UBXN7: variants seen among roughly 807,000 people sequenced by gnomAD.
The protein encoded by UBXN7 is UBX domain-containing protein 7.
A neutral mutation model predicts 58.0 loss-of-function variants in UBXN7; 9 were observed. That is an observed-to-expected ratio of 0.16 (90% CI 0.09 to 0.27). The LOEUF is 0.27. UBXN7 is among the 10% of genes least tolerant of loss of function. UBXN7 has a pLI of 1.00. For synonymous variants in UBXN7, 208 were observed against 205.0 expected (o/e 1.01, Z -0.12); for missense variants, 328 against 599.6 (o/e 0.55, Z 4.73).
intron 1 of UBXN7, among the ~76,000 whole-genome samples, chr3:196,412,097 C>A (rs2108619024): frequency 6.6e-6 from 1 of 151,104 alleles, no homozygotes; most frequent in South Asian, 2.1e-4. Context: ...GGCGTGGTGG[C>A]AGGTGCCTAA....
intron 6 of UBXN7, among the ~76,000 whole-genome samples, chr3:196,370,528 C>A (rs903308048): frequency 6.6e-6 from 1 of 150,988 alleles, no homozygotes; most frequent in Non-Finnish European, 1.5e-5. Flanking sequence ...GAGTCCAGCA[C>A]AGTGCTAAGC....
chr3:196,395,272 C>T (rs1180146718), intron 3 of UBXN7, among the ~76,000 whole-genome samples: 3 of 151,958 alleles, frequency 2.0e-5, no homozygotes, highest in African/African-American at 4.8e-5. Context: ...CCAGAACTAC[C>T]GAGTAAAAGG....
intron 2 of UBXN7, 120 bp downstream of exon 2, chr3:196,407,126 T>C (rs1237933734): frequency 1.4e-6 from 2 of 1,392,896 alleles, no homozygotes; most frequent in East Asian, 4.7e-5. Flanking sequence ...TTCATACTTT[T>C]TCAGAGGCTT....
Position 196,391,782 on chromosome 3 carries a change from T to C in UBXN7, c.468+31A>G, listed in dbSNP as rs751936165. The C allele has an allele frequency of 1.1e-5, 16 of 1,507,840 alleles. No individual in the cohort carries two copies. In the South Asian group the frequency reaches 1.4e-4, roughly 13 times the overall value. The allele number at this position is 1,507,840 out of a possible 1,614,324, so 93.4% of individuals were successfully genotyped here. Reference sequence around the variant, plus strand: ...GGCATTGAAAATGCAAAAGGATTCATAGTTAAGGCACTGACTCTCCAACAA... The same window carrying C: ...GGCATTGAAAATGCAAAAGGATTCACAGTTAAGGCACTGACTCTCCAACAA... On this transcript the variant is annotated intron_variant, in intron 5 of 10. Transcript: ENST00000296328.
chr3:196,380,222 CA>C (rs1729159267), intron 5 of UBXN7, among the ~76,000 whole-genome samples: 1 of 148,150 alleles, frequency 6.7e-6, no homozygotes, highest in South Asian at 2.1e-4. Context: ...TGCAGTCCAG[CA>C]GTCCAGCCTG....
At chr3:196,404,142 T>C (rs1577466047) in intron 2 of UBXN7, among the ~76,000 whole-genome samples, 1 of 152,104 alleles carries the variant, frequency 6.6e-6, no homozygotes, top group East Asian at 1.9e-4. Context: ...AACTCAACTA[T>C]TGAACTTTGC....
At chr3:196,380,333 T>G (rs956795750) in intron 5 of UBXN7, among the ~76,000 whole-genome samples, 3 of 151,716 alleles carry the variant, frequency 2.0e-5, no homozygotes, top group Non-Finnish European at 2.9e-5. Context: ...TGCTGTTTAG[T>G]AAGCAAACAT....
chr3:196,358,801 C>T (rs1728423483), intron 10 of UBXN7, among the ~76,000 whole-genome samples: 1 of 151,690 alleles, frequency 6.6e-6, no homozygotes, highest in African/African-American at 2.4e-5. Flanking sequence ...AGAGATCAGA[C>T]TAAACATCTA....
intron 2 of UBXN7, 115 bp from the exon 3 acceptor site, chr3:196,403,134 A>G (rs6799210): frequency 0.15 from 160,910 of 1,077,174 alleles, 13,496 homozygotes; most frequent in South Asian, 0.21. Flanking sequence ...GAAGCACAGT[A>G]ATAATAAGTT....
intron 5 of UBXN7, among the ~76,000 whole-genome samples, chr3:196,386,407 G>GAAAAAAAAAAAAAAAAAAAAAA (rs1308392614): frequency 9.1e-6 from 1 of 110,446 alleles, no homozygotes. Context: ...AAAAAAAAAG[G>GAAAAAAAAAAAAAAAAAAAAAA]AAATGAGGAA....
Position 196,348,855 on chromosome 3 carries a change from GCA to G in UBXN7, c.*7828_*7829del, listed in dbSNP as rs918824762. On this transcript the variant is annotated 3_prime_UTR_variant, in exon 11 of 11. Transcript: ENST00000296328. ...CTCATACAAAGCATGCACAGAGCCT[GCA>G]CAGACACTGCTGAGAGTTTCCAGGG... 4 of 152,160 alleles carry G rather than the reference GCA, an allele frequency of 2.6e-5. No individual in the cohort carries two copies. Among genetic ancestry groups the G allele is most frequent in the African/African-American group, 9.7e-5 (4 of 41,404 alleles). The allele number at this position is 152,160 out of a possible 1,614,324, so 9.4% of individuals were successfully genotyped here. A position where few individuals can be genotyped will look rare whatever the true frequency, so the allele number is the denominator to read the frequency against.
At chr3:196,361,799 C>T (rs778371787) in intron 10 of UBXN7, 45 bp downstream of exon 10, 18 of 1,544,898 alleles carry the variant, frequency 1.2e-5, no homozygotes, top group African/African-American at 1.4e-5. Context: ...TGGGACTCGT[C>T]TTATTGCAGT....
intron 6 of UBXN7, among the ~76,000 whole-genome samples, chr3:196,370,365 C>T (rs371182320): frequency 2.0e-5 from 3 of 150,662 alleles, no homozygotes; most frequent in East Asian, 3.9e-4. Context: ...GTGGGAAGAT[C>T]CCTTGAGCCT....
chr3:196,417,278 C>G lies in UBXN7; in HGVS notation c.74-9885G>C, dbSNP rs942451292. Among the ~76,000 whole-genome samples, 18 of 152,300 alleles carry G rather than the reference C, an allele frequency of 1.2e-4. 1 individual carries two copies. The highest frequency in any genetic ancestry group is 1.9e-4 in the Non-Finnish European group (13 of 68,034). ...AGTGAGCCGAGATCGCGCGACTGCACTCCAGCCTGGGAGACAGAGCGAGAC... is the reference window on the plus strand; with the variant it reads ...AGTGAGCCGAGATCGCGCGACTGCAGTCCAGCCTGGGAGACAGAGCGAGAC... On this transcript the variant is annotated intron_variant, in intron 1 of 10. Transcript: ENST00000296328.
chr3:196,390,047 C>G (rs1333555762), intron 5 of UBXN7, among the ~76,000 whole-genome samples: 1 of 151,920 alleles, frequency 6.6e-6, no homozygotes, highest in Non-Finnish European at 1.5e-5. Context: ...GCAAGACCCC[C>G]TCTCCACAAA....
intron 10 of UBXN7, among the ~76,000 whole-genome samples, chr3:196,360,258 C>T (rs1728470221): frequency 6.6e-6 from 1 of 152,186 alleles, no homozygotes; most frequent in African/African-American, 2.4e-5. Context: ...CACTAAATAA[C>T]AGATTTAAGT....
intron 1 of UBXN7, among the ~76,000 whole-genome samples, chr3:196,417,724 TAAAAAAAAAAAAAAAAAAA>T (rs749981900): frequency 5.1e-4 from 16 of 31,658 alleles, no homozygotes; most frequent in South Asian, 3.0e-3. Flanking sequence ...GCAAAATGGT[TAAAAAAAAAAAAAAAAAAA>T]AAAAAAAAAA....
chr3:196,379,716 A>G (rs1413600086), intron 5 of UBXN7, among the ~76,000 whole-genome samples: 1 of 152,296 alleles, frequency 6.6e-6, no homozygotes, highest in South Asian at 2.1e-4. Flanking sequence ...GTGCTCACAG[A>G]TGATTTTCCT....
intron 5 of UBXN7, among the ~76,000 whole-genome samples, chr3:196,382,334 C>G (rs558454915): frequency 6.6e-6 from 1 of 152,126 alleles, no homozygotes; most frequent in Non-Finnish European, 1.5e-5. Context: ...GGCCAATATT[C>G]GACATTCTTA....
Sources: gnomAD v4.1 joint callset for allele counts (sites outside exome capture counted in the v4.1 genomes callset) on GRCh38, gnomAD v4.1.1 for gene constraint, MANE v1.5 for transcripts, NCBI Gene and HGNC (gene_info 2026-07-23, HGNC 2026-07-21) for gene names.